ARHGEF11: variants seen among roughly 807,000 people sequenced by gnomAD.
ARHGEF11 encodes Rho guanine nucleotide exchange factor 11, also known as Rho guanine exchange factor (GEF) 11.
In ARHGEF11, 55 loss-of-function variants were observed where a neutral mutation model predicts 193.7. The ratio of observed to expected loss-of-function variants is 0.28; its 90% CI spans 0.23 to 0.36. The LOEUF (loss-of-function observed/expected upper bound fraction) is 0.36. ARHGEF11 is among the 10% of genes least tolerant of loss of function. The probability of loss-of-function intolerance (pLI) is 1.00; values close to 1 mark genes in which losing one functional copy is unlikely to be tolerated. For missense variants in ARHGEF11, 1,723 were observed against 2,005.6 expected, an observed-to-expected ratio of 0.86 and a Z score of 2.69; for synonymous variants, 693 against 768.0, an observed-to-expected ratio of 0.90 and a Z score of 1.62.
Position 156,948,334 on chromosome 1 carries a change from G to A in ARHGEF11, c.2090C>T (p.Ser697Phe). The change falls in exon 23 of 41, where the codon TCC (serine) becomes TTC (phenylalanine). Residue 697 changes from serine to phenylalanine, a missense_variant. Around this residue, in one of 5 missense-constraint regions of ARHGEF11, gnomAD observed 491 missense variants for 654.5 expected, o/e 0.75. Transcript: ENST00000368194. This position sits in a 1 kb window ranked among gnomAD's most constrained non-coding sequence, Gnocchi z 4.2. ...RLHQSASSST[S>F]SLSTRSLENP... The stretch of plus-strand genomic sequence containing the variant: ...CCCTGCCCACCTGGTGGAGAGGCTG[G>A]AGGTAGAGGACGAGGCTGACTGGTG... The A allele has an allele frequency of 6.2e-7, 1 of 1,614,158 alleles. No individual in the cohort carries two copies. The highest frequency in any genetic ancestry group is 8.5e-7 in the Non-Finnish European group (1 of 1,179,976).
chr1:156,945,014 C>G lies in ARHGEF11; in HGVS notation c.2991+5G>C. 6.2e-7 allele frequency: 1 copy of G among 1,612,882 alleles called. No homozygotes were observed. The highest frequency in any genetic ancestry group is 8.5e-7 in the Non-Finnish European group (1 of 1,179,768). On this transcript the variant is annotated splice_donor_5th_base_variant and intron_variant, in intron 30 of 40. Coordinates refer to ENST00000368194, the MANE Select transcript of ARHGEF11 (RefSeq NM_198236.3). ...GGGTTGACTGCTGCAGCCTCTGCCT[C>G]CTACCTTGAACTCTGCTGCCAGGGG...
chr1:156,955,789 G>A lies in ARHGEF11; in HGVS notation c.1682C>T (p.Ser561Phe). ...CTCCAAGGCATCCTTTTCTTTCTTGGAATTGCTGCTCTGCTGAGACAGGAG... is the reference window on the plus strand; with the variant it reads ...CTCCAAGGCATCCTTTTCTTTCTTGAAATTGCTGCTCTGCTGAGACAGGAG... ...FFPKTKKSSNSKKEKDALEDK... is the reference protein window; with the variant it reads ...FFPKTKKSSNFKKEKDALEDK... Residue 561 changes from serine (S) to phenylalanine (F), a missense_variant, in exon 20 of 41, where the codon TCC (serine) becomes TTC (phenylalanine). Physicochemically the swap from Ser to Phe is radical, Grantham distance 155 (BLOSUM62 -2). Transcript: ENST00000368194. The A allele has an allele frequency of 2.5e-6, 4 of 1,613,940 alleles. No homozygotes were observed. The highest frequency in any genetic ancestry group is 3.4e-6 in the Non-Finnish European group (4 of 1,179,848).
At chr1:156,942,551 A>G in intron 33 of ARHGEF11, 139 bp downstream of exon 33, 1 of 703,668 alleles carries the variant, frequency 1.4e-6, no homozygotes. Context: ...CTTCTGTCCT[A>G]CCTCCCACTT....
intron 1 of ARHGEF11, among the ~76,000 whole-genome samples, chr1:156,993,461 TA>T (rs775415313): frequency 6.6e-6 from 1 of 151,960 alleles, no homozygotes; most frequent in Non-Finnish European, 1.5e-5. Context: ...TAGAGAAAGA[TA>T]AAAAAAGCAC....
chr1:156,980,509 G>T (rs765417884), intron 3 of ARHGEF11, 23 bp from the exon 4 acceptor site: 1 of 1,579,402 alleles, frequency 6.3e-7, no homozygotes, highest in Non-Finnish European at 8.6e-7. Flanking sequence ...GGCCTGGTCA[G>T]CAGTGCCCAA....
chr1:156,944,499 C>T, intron 30 of ARHGEF11, 66 bp from the exon 31 acceptor site: 4 of 1,520,168 alleles, frequency 2.6e-6, no homozygotes, highest in Non-Finnish European at 3.7e-6. Flanking sequence ...TGAGAGCCTA[C>T]TGTGTGCCAG....
rs765666978 is a variant in ARHGEF11 at position 156,939,674 on chromosome 1, AACAGAG to A, written c.3964_3969del (p.Leu1322_Cys1323del). 1.2e-6 allele frequency: 2 copies of A among 1,614,002 alleles called. No individual in the cohort carries two copies. The highest frequency in any genetic ancestry group is 1.7e-6 in the Non-Finnish European group (2 of 1,180,000). On this transcript the variant is annotated inframe_deletion, in exon 37 of 41. Transcript: ENST00000368194. Reference sequence around the variant, plus strand: ...GTCCTTGGGGGTAGGTGTTCCAGAGAACAGAGACCCATGTCTTCCTGCTCTGGCCGT... The same window carrying A: ...GTCCTTGGGGGTAGGTGTTCCAGAGAACCCATGTCTTCCTGCTCTGGCCGT...
rs370417432 is a variant in ARHGEF11, at chr1:156,936,046, G to C, written c.4643C>G (p.Pro1548Arg). ...TGCGTCTGCTGTGCTGTCTTCCAGG[G>C]GGGCGTCAGAGCCTGTGGGAGGAGG... Reference protein sequence around the residue: ...GPCPEDGSDAPLEDSTADAAA... With the variant: ...GPCPEDGSDARLEDSTADAAA... The change falls in exon 41 of 41, where the codon CCC (proline) becomes CGC (arginine). Residue 1548 changes from proline (P) to arginine (R), a missense_variant. Coordinates refer to ENST00000368194, the MANE Select transcript of ARHGEF11 (RefSeq NM_198236.3). The C allele has an allele frequency of 1.1e-5, 17 of 1,613,940 alleles. No homozygotes were observed. The highest frequency in any genetic ancestry group is 1.4e-5 in the Non-Finnish European group (16 of 1,179,956).
At chr1:157,010,549 G>A (rs1307527046) in intron 1 of ARHGEF11, among the ~76,000 whole-genome samples, 1 of 151,638 alleles carries the variant, frequency 6.6e-6, no homozygotes, top group Non-Finnish European at 1.5e-5. Flanking sequence ...AGCCTCCCAA[G>A]TAGATAATTA....
chr1:157,035,896 T>TACATATAGGA, intron 1 of ARHGEF11, among the ~76,000 whole-genome samples: 1 of 47,742 alleles, frequency 2.1e-5, no homozygotes, highest in Non-Finnish European at 4.3e-5. Context: ...TATATAGGAA[T>TACATATAGGA]ATATATATAT....
At chr1:156,982,998 C>A (rs1292164564) in intron 3 of ARHGEF11, among the ~76,000 whole-genome samples, 6 of 152,148 alleles carry the variant, frequency 3.9e-5, no homozygotes, top group Non-Finnish European at 7.3e-5. Flanking sequence ...GTGAACATAT[C>A]TCATATCTTC....
At chr1:156,939,119 C>A in intron 37 of ARHGEF11, 1 of 240,910 alleles carries the variant, frequency 4.2e-6, no homozygotes, top group Non-Finnish European at 8.0e-6. Context: ...GCCCTTGGAG[C>A]TGTTGCCTGG....
At chr1:156,992,506 T>C (rs1420327818) in intron 1 of ARHGEF11, among the ~76,000 whole-genome samples, 1 of 152,172 alleles carries the variant, frequency 6.6e-6, no homozygotes, top group Non-Finnish European at 1.5e-5. Context: ...GCCCACAGGG[T>C]GGGCGACAAA....
At chr1:156,939,239 G>A in intron 37 of ARHGEF11, 1 of 380,308 alleles carries the variant, frequency 2.6e-6, no homozygotes. Flanking sequence ...ACAGAGACTG[G>A]TACTGGTAGT....
At chr1:157,029,469 A>G (rs955118831) in intron 1 of ARHGEF11, among the ~76,000 whole-genome samples, 6 of 152,102 alleles carry the variant, frequency 3.9e-5, no homozygotes, top group Non-Finnish European at 8.8e-5. Context: ...ATGGGGTTTC[A>G]CCATGTTGGT....
Position 156,946,070 on chromosome 1 carries a change from C to T in ARHGEF11, c.2787G>A (p.Leu929=). The part of the protein sequence containing the change: ...MQRLTKYPLL[L]ESIIKHTEGG... Reference sequence around the variant, plus strand: ...CCTCTGTGTGCTTGATGATGCTCTCCAGCAGCAGCGGGTACTTGGTGAGCC... The same window carrying T: ...CCTCTGTGTGCTTGATGATGCTCTCTAGCAGCAGCGGGTACTTGGTGAGCC... The change falls in exon 29 of 41, where the codon CTG becomes CTA. Residue 929 remains leucine (L), a synonymous_variant. Coordinates refer to ENST00000368194, the MANE Select transcript of ARHGEF11 (RefSeq NM_198236.3). 6.2e-7 allele frequency: 1 copy of T among 1,613,676 alleles called. No individual in the cohort carries two copies. The highest frequency in any genetic ancestry group is 2.2e-5 in the East Asian group (1 of 44,880).
At position 157,044,842 on chromosome 1, in the gene ARHGEF11, A is replaced by G. The variant is rs1673166049; in HGVS notation, c.-512T>C. ...TCCAATGCTTAATATGACAACAGCA[A>G]ATATCTTTGAGGAAAGGAAAAAAAA... is the stretch of plus-strand genomic sequence containing the variant. On this transcript the variant is annotated 5_prime_UTR_variant, in exon 1 of 41. Coordinates refer to ENST00000368194, the MANE Select transcript of ARHGEF11 (RefSeq NM_198236.3). The G allele has an allele frequency of 3.9e-6, 1 of 257,318 alleles. No homozygotes were observed. The highest frequency in any genetic ancestry group is 2.2e-5 in the African/African-American group (1 of 45,292). The allele number at this position is 257,318 out of a possible 1,614,324, so 15.9% of individuals were successfully genotyped here. A position where few individuals can be genotyped will look rare whatever the true frequency, so the allele number is the denominator to read the frequency against.
chr1:156,939,467 G>A (rs1281735015), intron 37 of ARHGEF11, 81 bp downstream of exon 37: 1 of 1,588,402 alleles, frequency 6.3e-7, no homozygotes, highest in Non-Finnish European at 8.5e-7. Context: ...GGGAGTATAG[G>A]GAAGGAAGCA....
intron 21 of ARHGEF11, among the ~76,000 whole-genome samples, chr1:156,954,521 C>T (rs944908904): frequency 1.3e-5 from 2 of 151,274 alleles, no homozygotes; most frequent in Admixed American, 1.3e-4. Context: ...GGAGATGTGA[C>T]TGAATTATAG....
Sources: allele counts gnomAD v4.1 joint callset (sites outside exome capture counted in the v4.1 genomes callset), GRCh38; gene constraint gnomAD v4.1.1; regional missense constraint gnomAD v4.1.1; non-coding constraint Gnocchi (gnomAD v3.1); transcripts MANE v1.5; gene names NCBI Gene and HGNC (gene_info 2026-07-23, HGNC 2026-07-21).